Variants in PKN2 observed in about 807,000 individuals in gnomAD.
PKN2 encodes protein kinase N2.
In PKN2, 38 loss-of-function variants were observed where a neutral mutation model predicts 119.1. The ratio of observed to expected loss-of-function variants is 0.32; its 90% CI spans 0.25 to 0.42. The LOEUF is 0.42. PKN2 is among the 10% of genes least tolerant of loss of function. The probability of loss-of-function intolerance (pLI) is 1.00; values close to 1 mark genes in which losing one functional copy is unlikely to be tolerated. For missense variants in PKN2, 850 were observed against 1,165.1 expected (o/e 0.73, Z 3.94); for synonymous variants, 390 against 384.9 (o/e 1.01, Z -0.15).
chr1:88,814,626 A>G (rs761549028), intron 16 of PKN2, among the ~76,000 whole-genome samples: 7 of 151,648 alleles, frequency 4.6e-5, no homozygotes, highest in Non-Finnish European at 1.0e-4. Context: ...CTCATCTACT[A>G]CTCCCCAGGC....
intron 16 of PKN2, among the ~76,000 whole-genome samples, chr1:88,818,937 C>T (rs1054104441): frequency 6.6e-6 from 1 of 151,708 alleles, no homozygotes; most frequent in Non-Finnish European, 1.5e-5. Flanking sequence ...GGAAAGAATT[C>T]CCTATTTAAT....
chr1:88,818,581 G>T (rs1448591736), intron 16 of PKN2, among the ~76,000 whole-genome samples: 3 of 151,448 alleles, frequency 2.0e-5, no homozygotes. Flanking sequence ...CTGGGAGGTG[G>T]AGGTTGCAGT....
intron 3 of PKN2, among the ~76,000 whole-genome samples, chr1:88,766,648 A>G (rs1173185101): frequency 2.6e-5 from 4 of 152,160 alleles, no homozygotes; most frequent in African/African-American, 4.8e-5. Flanking sequence ...ATGTAGTTCT[A>G]CCTAAGGTAT....
chr1:88,717,167 G>C (rs1301131567), intron 1 of PKN2, among the ~76,000 whole-genome samples: 1 of 152,172 alleles, frequency 6.6e-6, no homozygotes, highest in African/African-American at 2.4e-5. Flanking sequence ...GAGATCAGCT[G>C]TTAGTCTGAT....
At chr1:88,782,644 T>C (rs1670393081) in intron 6 of PKN2, among the ~76,000 whole-genome samples, 1 of 152,298 alleles carries the variant, frequency 6.6e-6, no homozygotes, top group Middle Eastern at 3.4e-3. Flanking sequence ...ATCTCAGATA[T>C]TGCCATTTTT....
At chr1:88,741,653 CTG>C (rs1668583206) in intron 2 of PKN2, among the ~76,000 whole-genome samples, 1 of 152,080 alleles carries the variant, frequency 6.6e-6, no homozygotes, top group African/African-American at 2.4e-5. Flanking sequence ...AAAGTTAAAA[CTG>C]TGTTCTTTGA....
At chr1:88,717,424 A>C (rs918597435) in intron 1 of PKN2, among the ~76,000 whole-genome samples, 6 of 152,088 alleles carry the variant, frequency 3.9e-5, no homozygotes, top group Admixed American at 1.3e-4. Flanking sequence ...CATCACTTTC[A>C]GGTACACCAA....
At chr1:88,806,340 T>C in intron 12 of PKN2, 1 of 288,336 alleles carries the variant, frequency 3.5e-6, no homozygotes, top group Non-Finnish European at 6.7e-6. Context: ...TGGCTAATTT[T>C]TGTATTTTCA....
intron 19 of PKN2, 99 bp downstream of exon 19, chr1:88,828,722 G>T: frequency 1.0e-6 from 1 of 953,218 alleles, no homozygotes. Flanking sequence ...CAGTATGAGT[G>T]GAATTTAAGT....
At chr1:88,686,576 A>G (rs1394776368) in intron 1 of PKN2, among the ~76,000 whole-genome samples, 3 of 152,056 alleles carry the variant, frequency 2.0e-5, no homozygotes, top group South Asian at 2.1e-4. Context: ...ATTAAGTGTT[A>G]CCTTATAGGT....
intron 8 of PKN2, among the ~76,000 whole-genome samples, chr1:88,796,879 A>G (rs1557617825): frequency 6.6e-6 from 1 of 152,064 alleles, no homozygotes; most frequent in East Asian, 1.9e-4. Flanking sequence ...CTAAGTATTA[A>G]TGGGATGAAT....
In PKN2 at chr1:88,779,987, A is replaced by G. The variant is rs57909066; in HGVS notation, c.986-4652A>G. Among the ~76,000 whole-genome samples, 1,255 of 152,246 alleles carry G rather than the reference A, an allele frequency of 8.2e-3. 13 individuals carry two copies. The highest frequency in any genetic ancestry group is 0.028 in the African/African-American group (1,181 of 41,546). On this transcript the variant is annotated intron_variant, in intron 6 of 21. Coordinates refer to ENST00000370521, the MANE Select transcript of PKN2 (RefSeq NM_006256.4). The stretch of plus-strand genomic sequence containing the variant: ...TAGTCACCATTCAGACTACTAGCTC[A>G]AGGTAGTTACAGTTTCAGGGTTAGG...
chr1:88,716,804 A>G (rs1667475817), intron 1 of PKN2, among the ~76,000 whole-genome samples: 2 of 152,100 alleles, frequency 1.3e-5, no homozygotes, highest in South Asian at 4.1e-4. Flanking sequence ...ATTTAAGGTT[A>G]ATATTGTTAT....
intron 1 of PKN2, among the ~76,000 whole-genome samples, chr1:88,686,380 G>A (rs1666099892): frequency 6.6e-6 from 1 of 152,066 alleles, no homozygotes; most frequent in Non-Finnish European, 1.5e-5. Flanking sequence ...ATATTTTCAT[G>A]TGTATTAATA....
At chr1:88,708,999 C>T (rs1449021920) in intron 1 of PKN2, among the ~76,000 whole-genome samples, 1 of 151,360 alleles carries the variant, frequency 6.6e-6, no homozygotes, top group Non-Finnish European at 1.5e-5. Flanking sequence ...AGCAAGTATT[C>T]ACTGAGCTCC....
At chr1:88,698,051 C>A (rs537531853) in intron 1 of PKN2, among the ~76,000 whole-genome samples, 1 of 152,182 alleles carries the variant, frequency 6.6e-6, no homozygotes, top group Non-Finnish European at 1.5e-5. Flanking sequence ...CCCTTTAGTC[C>A]TGAAGAAAGT....
intron 6 of PKN2, among the ~76,000 whole-genome samples, chr1:88,781,863 AT>A (rs1475437119): frequency 1.3e-5 from 2 of 152,090 alleles, no homozygotes; most frequent in Non-Finnish European, 2.9e-5. Flanking sequence ...AGAAACACAA[AT>A]TTTTTAACTC....
chr1:88,812,551 G>T (rs576606638), intron 15 of PKN2, among the ~76,000 whole-genome samples: 2 of 152,116 alleles, frequency 1.3e-5, no homozygotes, highest in African/African-American at 4.8e-5. Flanking sequence ...ACAAGCCTGG[G>T]CAACATAGTG....
chr1:88,832,118 T>A (rs1672752046), intron 19 of PKN2, among the ~76,000 whole-genome samples: 1 of 152,042 alleles, frequency 6.6e-6, no homozygotes. Context: ...CCTTTCAGTC[T>A]AATTTTGTTG....
Sources: gnomAD v4.1 joint callset for allele counts (sites outside exome capture counted in the v4.1 genomes callset) on GRCh38, gnomAD v4.1.1 for gene constraint, MANE v1.5 for transcripts, NCBI Gene and HGNC (gene_info 2026-07-23, HGNC 2026-07-21) for gene names.